The following NUP62CL variants were observed in gnomAD, a reference collection of about 807,000 sequenced individuals.
NUP62CL encodes the protein nucleoporin 62 C-terminal like, also known as nucleoporin-62 C-terminal-like protein.
A neutral mutation model predicts 15.3 loss-of-function variants in NUP62CL; 13 were observed. The observed-to-expected ratio is 0.85, with a 90% CI of 0.55 to 1.35. The LOEUF (loss-of-function observed/expected upper bound fraction) is 1.35, where lower values mean the gene tolerates loss of function less well. NUP62CL is among the 40% of genes most tolerant of loss of function. NUP62CL has a pLI of 0.00. For missense variants in NUP62CL, 123 were observed against 130.6 expected (o/e 0.94, Z 0.28); for synonymous variants, 54 against 49.2 (o/e 1.10, Z -0.41).
intron 4 of NUP62CL, among the ~76,000 whole-genome samples, chrX:107,160,514 AAAAC>A (rs1384054524): frequency 9.0e-6 from 1 of 110,508 alleles, no homozygotes; most frequent in African/African-American, 3.3e-5. Flanking sequence ...AAATCTGAGA[AAAAC>A]AAGCAATGGG....
At chrX:107,129,528 A>T in intron 8 of NUP62CL, among the ~76,000 whole-genome samples, 1 of 112,366 alleles carries the variant, frequency 8.9e-6, no homozygotes. Flanking sequence ...CAGTTCTCAG[A>T]ACACTGGCTT....
At chrX:107,195,751 G>A (rs995208510) in intron 1 of NUP62CL, among the ~76,000 whole-genome samples, 2 of 111,676 alleles carry the variant, frequency 1.8e-5, no homozygotes, top group Admixed American at 9.6e-5. Context: ...AATCCTGGAA[G>A]GCACAGAAAG....
At chrX:107,127,779 A>G (rs1356230713) in intron 8 of NUP62CL, among the ~76,000 whole-genome samples, 1 of 109,235 alleles carries the variant, frequency 9.2e-6, no homozygotes, top group Non-Finnish European at 1.9e-5. Context: ...TGAGGCAGTG[A>G]GATAAAAAAA....
chrX:107,141,524 A>T (rs1238026308), intron 8 of NUP62CL, among the ~76,000 whole-genome samples: 1 of 112,057 alleles, frequency 8.9e-6, no homozygotes, highest in Non-Finnish European at 1.9e-5. Context: ...AAGTAGGTGA[A>T]GTGGAACATT....
intron 5 of NUP62CL, 46 bp downstream of exon 5, chrX:107,154,050 C>A (rs1013692279): frequency 1.9e-6 from 2 of 1,075,035 alleles, no homozygotes; most frequent in African/African-American, 3.7e-5. Context: ...TGTTCATCTG[C>A]AAATACTTGC....
At chrX:107,202,779 T>G (rs1225173030) in intron 1 of NUP62CL, 2 of 104,879 alleles carry the variant, frequency 1.9e-5, no homozygotes, top group Non-Finnish European at 3.9e-5. Flanking sequence ...GTGGATTGCT[T>G]GAGCCCAGGA....
At position 107,194,895 on chromosome X, in the gene NUP62CL, T is replaced by C. The variant is rs1030357328; in HGVS notation, c.-91-1823A>G. On this transcript the variant is annotated intron_variant, in intron 1 of 8. Coordinates refer to ENST00000372466, the MANE Select transcript of NUP62CL (RefSeq NM_017681.3). ...GCAGTGGCACAATCTCAGCTCACTGTAACCTCCGCGTCCCGGATTCAAGCA... is the reference window on the plus strand; with the variant it reads ...GCAGTGGCACAATCTCAGCTCACTGCAACCTCCGCGTCCCGGATTCAAGCA... Among the ~76,000 whole-genome samples the C allele has an allele frequency of 2.1e-4, 21 of 101,762 alleles. 1 individual carries two copies. The highest frequency in any genetic ancestry group is 7.8e-4 in the African/African-American group (21 of 27,064). 88.4% of individuals were successfully genotyped at this position (101,762 alleles called of 115,157 possible).
chrX:107,124,949 G>A (rs1035345862), intron 8 of NUP62CL, among the ~76,000 whole-genome samples: 1 of 111,571 alleles, frequency 9.0e-6, no homozygotes, highest in Admixed American at 9.5e-5. Flanking sequence ...TCATGAATAA[G>A]CCATAACTGG....
At chrX:107,170,029 G>A (rs1033881231) in intron 3 of NUP62CL, among the ~76,000 whole-genome samples, 1 of 109,846 alleles carries the variant, frequency 9.1e-6, no homozygotes, top group African/African-American at 3.3e-5. Context: ...GGCCAACATG[G>A]TGAAACCCCA....
chrX:107,137,373 T>C (rs1299504885), intron 8 of NUP62CL, among the ~76,000 whole-genome samples: 2 of 111,864 alleles, frequency 1.8e-5, no homozygotes, highest in Admixed American at 9.5e-5. Context: ...CAACATAGTA[T>C]ACTGGAAGTT....
chrX:107,188,504 A>G (rs1927128113), intron 2 of NUP62CL, among the ~76,000 whole-genome samples: 1 of 109,966 alleles, frequency 9.1e-6, no homozygotes, highest in African/African-American at 3.3e-5. Flanking sequence ...AAGAACACCA[A>G]CAAAAAACTG....
intron 1 of NUP62CL, among the ~76,000 whole-genome samples, chrX:107,195,647 G>A (rs185938136): frequency 2.5e-4 from 28 of 111,982 alleles, no homozygotes; most frequent in Admixed American, 2.2e-3. Context: ...TTATCTGAAT[G>A]TGTTAGTTAC....
rs772247539 is a variant in NUP62CL at position 107,124,536 on chromosome X, C to T, written c.*43-204G>A. Among the ~76,000 whole-genome samples the T allele has an allele frequency of 3.8e-3, 396 of 105,436 alleles. 7 individuals are homozygous for T. The highest frequency in any genetic ancestry group is 0.011 in the African/African-American group (325 of 28,936). The allele number at this position is 105,436 out of a possible 115,157, so 91.6% of individuals were successfully genotyped here. A position where few individuals can be genotyped will look rare whatever the true frequency, so the allele number is the denominator to read the frequency against. On this transcript the variant is annotated intron_variant, in intron 8 of 8. Coordinates refer to ENST00000372466, the MANE Select transcript of NUP62CL (RefSeq NM_017681.3). ...CAATGGACAAGACTTTTTTTTTTTTCTGCTCTCCCTAGCTTTCAGGCAAAT... is the reference window on the plus strand; with the variant it reads ...CAATGGACAAGACTTTTTTTTTTTTTTGCTCTCCCTAGCTTTCAGGCAAAT...
intron 1 of NUP62CL, among the ~76,000 whole-genome samples, chrX:107,200,856 T>C (rs5962385): frequency 0.24 from 25,815 of 108,705 alleles, 2,576 homozygotes; most frequent in East Asian, 0.47. Flanking sequence ...AAAGACAGCC[T>C]CAAAGGTACG....
intron 2 of NUP62CL, among the ~76,000 whole-genome samples, chrX:107,191,711 C>CA (rs35773000): frequency 0.23 from 25,440 of 108,488 alleles, 2,476 homozygotes; most frequent in East Asian, 0.44. Flanking sequence ...CATCTCAAAA[C>CA]AAAAAAAAGG....
chrX:107,176,684 T>G (rs1481194453), intron 2 of NUP62CL, among the ~76,000 whole-genome samples: 1 of 110,811 alleles, frequency 9.0e-6, no homozygotes, highest in African/African-American at 3.3e-5. Context: ...TTAAGATATG[T>G]GAATTATACC....
At chrX:107,135,341 C>T (rs1314535171) in intron 8 of NUP62CL, among the ~76,000 whole-genome samples, 1 of 111,827 alleles carries the variant, frequency 8.9e-6, no homozygotes, top group Non-Finnish European at 1.9e-5. Flanking sequence ...TTTCTTTAAA[C>T]TTAAAGGCTT....
chrX:107,162,443 G>C (rs1401386353), intron 4 of NUP62CL, among the ~76,000 whole-genome samples: 1 of 110,410 alleles, frequency 9.1e-6, no homozygotes, highest in Non-Finnish European at 1.9e-5. Context: ...TTAAACTTCT[G>C]AAAACTAAAG....
At chrX:107,203,920 C>G (rs1231451342) in intron 1 of NUP62CL, among the ~76,000 whole-genome samples, 1 of 111,376 alleles carries the variant, frequency 9.0e-6, no homozygotes, top group Non-Finnish European at 1.9e-5. Flanking sequence ...ATTAGCTAAA[C>G]TATATCCATT....
Sources: allele counts gnomAD v4.1 joint callset (sites outside exome capture counted in the v4.1 genomes callset), GRCh38; gene constraint gnomAD v4.1.1; transcripts MANE v1.5; gene names NCBI Gene and HGNC (gene_info 2026-07-23, HGNC 2026-07-21).